CACNA1E: variants seen among roughly 807,000 people sequenced by gnomAD.
The protein encoded by CACNA1E is voltage-dependent R-type calcium channel subunit alpha-1E.
A neutral mutation model predicts 259.2 loss-of-function variants in CACNA1E; 40 were observed. That is an observed-to-expected ratio of 0.15 (90% CI 0.12 to 0.20). The LOEUF is 0.20. CACNA1E is among the 10% of genes least tolerant of loss of function. The pLI, the probability that CACNA1E is intolerant of heterozygous loss-of-function variation, is 1.00. For synonymous variants in CACNA1E, 1,104 were observed against 1,138.5 expected, an observed-to-expected ratio of 0.97 and a Z score of 0.61; for missense variants, 1,874 against 3,040.1, an observed-to-expected ratio of 0.62 and a Z score of 9.02.
chr1:181,337,391 T>C (rs909897902), intron 1 of CACNA1E, among the ~76,000 whole-genome samples: 1 of 152,116 alleles, frequency 6.6e-6, no homozygotes, highest in African/African-American at 2.4e-5. Flanking sequence ...ATCTACCCTT[T>C]TAACAAAATT....
chr1:181,483,582 T>C lies in CACNA1E; in HGVS notation c.-163T>C, dbSNP rs1663496595. 6 of 431,594 alleles carry C rather than the reference T, an allele frequency of 1.4e-5. No homozygotes were observed. Among genetic ancestry groups the C allele is most frequent in the Non-Finnish European group, 2.5e-5 (6 of 243,636 alleles). The allele number at this position is 431,594 out of a possible 1,614,324, so 26.7% of individuals were successfully genotyped here. ...TCAACAGTTCACAGCGGCGGGCTGC[T>C]GCTGCTGCCTCTCCGAAGAGCTCGC... On this transcript the variant is annotated 5_prime_UTR_variant, in exon 1 of 48. Coordinates refer to ENST00000367573, the MANE Select transcript of CACNA1E (RefSeq NM_001205293.3).
intron 4 of CACNA1E, among the ~76,000 whole-genome samples, chr1:181,578,097 T>G (rs1651154639): frequency 6.6e-6 from 1 of 152,204 alleles, no homozygotes; most frequent in African/African-American, 2.4e-5. Flanking sequence ...ATGTGGAAAG[T>G]AAACAACAAA....
At chr1:181,752,985 T>A (rs576376579) in intron 27 of CACNA1E, among the ~76,000 whole-genome samples, 1 of 152,312 alleles carries the variant, frequency 6.6e-6, no homozygotes, top group African/African-American at 2.4e-5. Context: ...CATACTTTGC[T>A]GTTAGTGGAA....
In CACNA1E at chr1:181,462,754, G is replaced by A. The variant is rs569938510; in HGVS notation, c.435-20990G>A. Among the ~76,000 whole-genome samples, 11 of 152,188 alleles carry A rather than the reference G, an allele frequency of 7.2e-5. No homozygotes were observed. In the East Asian group the frequency reaches 7.7e-4, roughly 11 times the overall value. Reference sequence around the variant, plus strand: ...TTTTGAGTTTTAAAGTTTTATTTACGTGATACATAGAATGTGTCCTTTTGC... The same window carrying A: ...TTTTGAGTTTTAAAGTTTTATTTACATGATACATAGAATGTGTCCTTTTGC... On this transcript the variant is annotated intron_variant, in intron 2 of 11. Coordinates refer to the CACNA1E transcript ENST00000524607.
chr1:181,413,380 C>T (rs1175412968), exon 2 of CACNA1E: 3 of 152,740 alleles, frequency 2.0e-5, no homozygotes, highest in East Asian at 1.9e-4. Flanking sequence ...GCTTCGACAA[C>T]TTCTTCCAGG....
chr1:181,613,573 T>A (rs1277500276), intron 6 of CACNA1E, among the ~76,000 whole-genome samples: 4 of 152,192 alleles, frequency 2.6e-5, no homozygotes, highest in Non-Finnish European at 5.9e-5. Flanking sequence ...CCAGGCCTTC[T>A]TATTGTACAA....
chr1:181,701,852 G>GT (rs1479317169), intron 7 of CACNA1E, among the ~76,000 whole-genome samples: 1 of 152,238 alleles, frequency 6.6e-6, no homozygotes, highest in South Asian at 2.1e-4. Flanking sequence ...ATATTTGTGG[G>GT]TTTTTTGGTT....
Position 181,732,516 on chromosome 1 carries a change from C to T in CACNA1E, c.2430C>T (p.Pro810=). The T allele has an allele frequency of 6.4e-7, 1 of 1,551,380 alleles. No homozygotes were observed. Among genetic ancestry groups the T allele is most frequent in the Non-Finnish European group, 8.7e-7 (1 of 1,146,794 alleles). Residue 810 remains proline, a synonymous_variant, in exon 20 of 48, where the codon CCC becomes CCT. Transcript: ENST00000367573. The surrounding 1 kb of genome is among the most constrained non-coding windows in gnomAD (Gnocchi z 5.5). ...EEAPTMNPLN[P]LNPLSSLNPL... is the part of the protein sequence containing the mutation. ...CGCCGACCATGAACCCGCTCAACCC[C>T]CTCAACCCGCTCAGCTCCCTCAACC...
chr1:181,587,244 T>C (rs1652159637), intron 6 of CACNA1E, among the ~76,000 whole-genome samples: 1 of 152,126 alleles, frequency 6.6e-6, no homozygotes. Context: ...TTTGAGAAGG[T>C]ATAACATAGT....
chr1:181,511,862 A>G (rs2102626286), intron 3 of CACNA1E, among the ~76,000 whole-genome samples: 1 of 152,366 alleles, frequency 6.6e-6, no homozygotes, highest in South Asian at 2.1e-4. Context: ...CAAAGCAAGC[A>G]GCTTACCCCC....
chr1:181,457,311 C>T (rs1661523472), intron 2 of CACNA1E, among the ~76,000 whole-genome samples: 1 of 152,228 alleles, frequency 6.6e-6, no homozygotes, highest in African/African-American at 2.4e-5. Flanking sequence ...CCTCCTAATA[C>T]CATCCCCGTG....
upstream of CACNA1E, among the ~76,000 whole-genome samples, chr1:181,482,678 C>T (rs1444274945): frequency 6.6e-6 from 1 of 152,262 alleles, no homozygotes; most frequent in Non-Finnish European, 1.5e-5. Flanking sequence ...CGCATCTTCT[C>T]CAGTGCTCCG....
At chr1:181,416,761 C>T (rs1397316409) in intron 2 of CACNA1E, among the ~76,000 whole-genome samples, 2 of 152,188 alleles carry the variant, frequency 1.3e-5, no homozygotes, top group African/African-American at 4.8e-5. Context: ...CTAAAAATGC[C>T]AGCTGTGGCG....
At chr1:181,450,060 C>A (rs1043954968) in intron 2 of CACNA1E, among the ~76,000 whole-genome samples, 5 of 152,108 alleles carry the variant, frequency 3.3e-5, no homozygotes, top group East Asian at 1.9e-4. Context: ...AGGAAACTTA[C>A]AATCATGGTG....
chr1:181,426,262 A>G (rs532204195), intron 2 of CACNA1E, among the ~76,000 whole-genome samples: 5 of 151,656 alleles, frequency 3.3e-5, no homozygotes, highest in Non-Finnish European at 7.4e-5. Context: ...CTCCATCTCA[A>G]GTCCTCCCCA....
chr1:181,631,138 T>A (rs935577006), intron 6 of CACNA1E, among the ~76,000 whole-genome samples: 3 of 152,196 alleles, frequency 2.0e-5, no homozygotes, highest in Non-Finnish European at 4.4e-5. Context: ...TTTCTCGGCC[T>A]GGTGCCCAGG....
chr1:181,798,776 T>G lies in CACNA1E; in HGVS notation c.6884T>G (p.Met2295Arg), dbSNP rs1437768641. ...RRRRGGPGPG[M>R]MCGAVNNLLS... ...AGGCGCGGGGGGCCTGGGCCAGGCA[T>G]GATGTGTGGGGCTGTCAACAACCTG... is the stretch of plus-strand genomic sequence containing the variant. The change falls in exon 48 of 48, where the codon ATG (methionine) becomes AGG (arginine). Residue 2295 changes from methionine to arginine, a missense_variant. Met to Arg is a moderately conservative substitution (Grantham distance 91). Around this residue, in one of 14 missense-constraint regions of CACNA1E, gnomAD observed 542 missense variants for 587.2 expected, o/e 0.92. Coordinates refer to ENST00000367573, the MANE Select transcript of CACNA1E (RefSeq NM_001205293.3). This position sits in a 1 kb window ranked among gnomAD's most constrained non-coding sequence, Gnocchi z 4.2. The G allele has an allele frequency of 6.3e-7, 1 of 1,584,774 alleles. No individual in the cohort carries two copies. Among genetic ancestry groups the G allele is most frequent in the South Asian group, 1.1e-5 (1 of 88,236 alleles).
intron 1 of CACNA1E, among the ~76,000 whole-genome samples, chr1:181,355,641 A>C (rs1653372863): frequency 6.6e-6 from 1 of 151,420 alleles, no homozygotes; most frequent in South Asian, 2.1e-4. Flanking sequence ...CAAACCAGAC[A>C]ATGAGTACAA....
At chr1:181,511,229 G>C (rs550989720) in intron 2 of CACNA1E, 142 bp from the exon 3 acceptor site, 13 of 902,480 alleles carry the variant, frequency 1.4e-5, no homozygotes, top group Middle Eastern at 3.5e-4. Flanking sequence ...CAGCCTGCAA[G>C]GGTCCCTTAG....
Sources: allele counts gnomAD v4.1 joint callset (sites outside exome capture counted in the v4.1 genomes callset), GRCh38; gene constraint gnomAD v4.1.1; regional missense constraint gnomAD v4.1.1; non-coding constraint Gnocchi (gnomAD v3.1); transcripts MANE v1.5; gene names NCBI Gene and HGNC (gene_info 2026-07-23, HGNC 2026-07-21).